Variants in ZNF483 observed in about 807,000 individuals in gnomAD.
ZNF483 encodes the protein zinc finger protein 483.
In ZNF483, 9 loss-of-function variants were observed where a neutral mutation model predicts 28.6. That is an observed-to-expected ratio of 0.32 (90% CI 0.19 to 0.55). ZNF483 has a LOEUF of 0.55. Among genes scored for constraint, ZNF483 ranks in the 20% least tolerant of loss-of-function variants. The pLI, the probability that ZNF483 is intolerant of heterozygous loss-of-function variation, is 0.93. For missense variants in ZNF483, 675 were observed against 871.7 expected (o/e 0.77, Z 2.84); for synonymous variants, 322 against 306.2 (o/e 1.05, Z -0.54).
rs1369933268 is a variant in ZNF483, at chr9:111,548,603, G to A, written c.*5433G>A. ...TTTGGATGGCTTTAACTTGCCAATG[G>A]CTCTAGCTAGGACTTCCAGTACTGT... On this transcript the variant is annotated 3_prime_UTR_variant, in exon 6 of 6. Transcript: ENST00000309235. Among the ~76,000 whole-genome samples the A allele has an allele frequency of 2.6e-5, 4 of 152,172 alleles. No individual in the cohort carries two copies. Among genetic ancestry groups the A allele is most frequent in the Non-Finnish European group, 5.9e-5 (4 of 68,020 alleles).
At chr9:111,539,597 C>G (rs1161795288) in intron 5 of ZNF483, 1 of 347,708 alleles carries the variant, frequency 2.9e-6, no homozygotes, top group Non-Finnish European at 5.7e-6. Flanking sequence ...AGCCCCATCT[C>G]TACTAAAAAT....
At chr9:111,559,245 C>T (rs1828206735), downstream of ZNF483, among the ~76,000 whole-genome samples, 1 of 152,168 alleles carries the variant, frequency 6.6e-6, no homozygotes, top group Non-Finnish European at 1.5e-5. Context: ...CACCAGGCCA[C>T]CCCTTCACGT....
rs1324950366 is a variant in ZNF483 at position 111,553,987 on chromosome 9, G to C, written c.*10817G>C. ...TCCAACGTCCCAGAGGCAGGGAAAG[G>C]AAGAACTGGAGCATTGTGCAGTGTT... On this transcript the variant is annotated 3_prime_UTR_variant, in exon 6 of 6. Coordinates refer to ENST00000309235, the MANE Select transcript of ZNF483 (RefSeq NM_133464.5). Among the ~76,000 whole-genome samples the C allele has an allele frequency of 6.6e-6, 1 of 152,220 alleles. No homozygotes were observed. The highest frequency in any genetic ancestry group is 1.5e-5 in the Non-Finnish European group (1 of 68,038).
chr9:111,569,988 G>C lies in ZNF483; in HGVS notation c.722-6377G>C, dbSNP rs12553163. On this transcript the variant is annotated intron_variant, in intron 5 of 5. Transcript: ENST00000358151. ...AATGACCCAATAGGGAAAAACTGAC[G>C]ATGCGGCAGAGATGGGGAAGAATTG... 5 of 1,549,926 alleles carry C rather than the reference G, an allele frequency of 3.2e-6. 1 individual carries two copies. Among genetic ancestry groups the C allele is most frequent in the South Asian group, 2.4e-5 (2 of 84,694 alleles).
intron 5 of ZNF483, among the ~76,000 whole-genome samples, chr9:111,535,500 T>G (rs960043798): frequency 6.6e-6 from 1 of 152,218 alleles, no homozygotes; most frequent in Non-Finnish European, 1.5e-5. Flanking sequence ...ATTTTTAATA[T>G]CTGGAAAACA....
chr9:111,551,994 T>G lies in ZNF483; in HGVS notation c.*8824T>G, dbSNP rs554707720. Among the ~76,000 whole-genome samples the G allele has an allele frequency of 5.6e-4, 86 of 152,364 alleles. No homozygotes were observed. The highest frequency in any genetic ancestry group is 2.0e-3 in the African/African-American group (84 of 41,586). Reference sequence around the variant, plus strand: ...AAAATGTGAGTTATTCTGTTTTATTTGTATTATGAAATGTTTCTATTGTAA... The same window carrying G: ...AAAATGTGAGTTATTCTGTTTTATTGGTATTATGAAATGTTTCTATTGTAA... On this transcript the variant is annotated 3_prime_UTR_variant, in exon 6 of 6. Transcript: ENST00000309235.
chr9:111,538,765 A>G (rs10817185), intron 5 of ZNF483, among the ~76,000 whole-genome samples: 89,806 of 151,718 alleles, frequency 0.59, 27,027 homozygotes, highest in Non-Finnish European at 0.65. Flanking sequence ...ACGACACACC[A>G]GAGAAAAAAG....
At chr9:111,541,596 C>T in intron 5 of ZNF483, 61 bp from the exon 6 acceptor site, 1 of 1,403,046 alleles carries the variant, frequency 7.1e-7, no homozygotes, top group Non-Finnish European at 9.6e-7. Flanking sequence ...TATTTCAGAC[C>T]CAAAATACAA....
intron 5 of ZNF483, among the ~76,000 whole-genome samples, chr9:111,538,695 A>G (rs578150867): frequency 5.9e-5 from 9 of 152,270 alleles, no homozygotes; most frequent in African/African-American, 2.2e-4. Flanking sequence ...CCCTTCCCCA[A>G]TTATCTTACA....
chr9:111,531,197 TA>T (rs1017158290), intron 3 of ZNF483, among the ~76,000 whole-genome samples: 1 of 151,452 alleles, frequency 6.6e-6, no homozygotes, highest in African/African-American at 2.4e-5. Context: ...ACCCTGTCTC[TA>T]AAAAAAATAG....
Position 111,560,966 on chromosome 9 carries a change from TATATATATAGAGAGAGAGAGAGAG to T in ZNF483, c.722-15397_722-15374del, listed in dbSNP as rs1442011631. 5.1e-4 allele frequency among the ~76,000 whole-genome samples: 23 copies of T among 45,356 alleles called. 1 individual carries two copies. In the East Asian group the frequency reaches 0.014, roughly 28 times the overall value. 29.8% of individuals were successfully genotyped at this position (45,356 alleles called of 152,430 possible). A position where few individuals can be genotyped will look rare whatever the true frequency, so the allele number is the denominator to read the frequency against. On this transcript the variant is annotated intron_variant, in intron 5 of 5. Transcript: ENST00000358151. The stretch of plus-strand genomic sequence containing the variant: ...TAAAATATATATATATATATATATA[TATATATATAGAGAGAGAGAGAGAG>T]AGAGAGAGAGAGAGAGAGAGAGAGA...
At position 111,553,292 on chromosome 9, in the gene ZNF483, TGCCAGTTGTAGTACCA is replaced by T. The variant is rs1828025449; in HGVS notation, c.*10125_*10140del. On this transcript the variant is annotated 3_prime_UTR_variant, in exon 6 of 6. Transcript: ENST00000309235. ...ATACTGTCTCTAGTCTTCTTGACTATGCCAGTTGTAGTACCAGCTTCTGTATCTGCACTGAATTCTG... is the reference window on the plus strand; with the variant it reads ...ATACTGTCTCTAGTCTTCTTGACTATGCTTCTGTATCTGCACTGAATTCTG... Among the ~76,000 whole-genome samples the T allele has an allele frequency of 6.6e-6, 1 of 152,250 alleles. No individual in the cohort carries two copies. The highest frequency in any genetic ancestry group is 6.5e-5 in the Admixed American group (1 of 15,288).
At chr9:111,575,794 T>G (rs1169091237) in intron 5 of ZNF483, among the ~76,000 whole-genome samples, 1 of 152,046 alleles carries the variant, frequency 6.6e-6, no homozygotes, top group African/African-American at 2.4e-5. Context: ...TATAAAACTC[T>G]TAGAAGAAAA....
At chr9:111,529,067 C>T (rs553809587) in intron 2 of ZNF483, among the ~76,000 whole-genome samples, 64 of 151,678 alleles carry the variant, frequency 4.2e-4, no homozygotes, top group Admixed American at 9.2e-4. Flanking sequence ...TCGCTTGAAC[C>T]GGGGAGGTGG....
chr9:111,570,888 A>G (rs148677517), intron 5 of ZNF483, among the ~76,000 whole-genome samples: 293 of 152,330 alleles, frequency 1.9e-3, no homozygotes, highest in African/African-American at 6.9e-3. Context: ...GGGATACAGG[A>G]AAGTTACAGT....
intron 5 of ZNF483, among the ~76,000 whole-genome samples, chr9:111,564,953 G>T (rs1237410214): frequency 6.6e-6 from 1 of 151,854 alleles, no homozygotes; most frequent in Admixed American, 6.6e-5. Context: ...GTGAAACCCT[G>T]TCTCTACTAA....
chr9:111,537,337 T>G (rs553981841), intron 5 of ZNF483, among the ~76,000 whole-genome samples: 1 of 152,052 alleles, frequency 6.6e-6, no homozygotes, highest in South Asian at 2.1e-4. Flanking sequence ...TTCTGCTGCC[T>G]CAGCCCACCA....
intron 5 of ZNF483, among the ~76,000 whole-genome samples, chr9:111,573,836 T>C (rs1392106279): frequency 6.6e-6 from 1 of 151,818 alleles, no homozygotes. Context: ...GACCTCAGAG[T>C]GTGGAGCGGG....
Position 111,541,785 on chromosome 9 carries a change from A to G in ZNF483, c.850A>G (p.Arg284Gly), listed in dbSNP as rs142418283. The G allele has an allele frequency of 3.1e-6, 5 of 1,614,112 alleles. No individual in the cohort carries two copies. In the African/African-American group the frequency reaches 5.3e-5, roughly 17 times the overall value. ...DHGNQGNSKG[R>G]VAQNKTLGSG... is the part of the protein sequence containing the mutation. The stretch of plus-strand genomic sequence containing the variant: ...CGGTAATCAGGGAAATTCAAAAGGA[A>G]GAGTCGCACAAAACAAAACTCTTGG... Residue 284 changes from arginine (R) to glycine (G), a missense_variant, in exon 6 of 6, where the codon AGA becomes GGA. Physicochemically the swap from Arg to Gly is moderately radical, Grantham distance 125 (BLOSUM62 -2). Transcript: ENST00000309235.
Sources: gnomAD v4.1 joint callset for allele counts (sites outside exome capture counted in the v4.1 genomes callset) on GRCh38, gnomAD v4.1.1 for gene constraint, MANE v1.5 for transcripts, NCBI Gene and HGNC (gene_info 2026-07-23, HGNC 2026-07-21) for gene names.